BDP1: variants seen among roughly 807,000 people sequenced by gnomAD.
The protein encoded by BDP1 is BDP1 general transcription factor IIIB subunit, also known as transcription factor TFIIIB component B'' homolog.
A neutral mutation model predicts 266.6 loss-of-function variants in BDP1; 169 were observed. That is an observed-to-expected ratio of 0.63 (90% CI 0.56 to 0.72). The LOEUF (loss-of-function observed/expected upper bound fraction) is 0.72, where lower values mean the gene tolerates loss of function less well. BDP1 is among the 30% of genes least tolerant of loss of function. The pLI is 0.00. For missense variants in BDP1, 3,015 were observed against 3,053.8 expected (o/e 0.99, Z 0.30); for synonymous variants, 1,090 against 1,022.4 (o/e 1.07, Z -1.26).
chr5:71,506,542 TGA>T (rs1415946214), intron 16 of BDP1, among the ~76,000 whole-genome samples: 3 of 152,044 alleles, frequency 2.0e-5, no homozygotes, highest in African/African-American at 7.2e-5. Flanking sequence ...TTTGGGAGGC[TGA>T]GACAGGAGGA....
At position 71,507,883 on chromosome 5, in the gene BDP1, T is replaced by G. The variant is rs562197969; in HGVS notation, c.2373-1582T>G. On this transcript the variant is annotated intron_variant, in intron 16 of 38. Coordinates refer to ENST00000358731, the MANE Select transcript of BDP1 (RefSeq NM_018429.3). ...CTGTCTTACAGTATCAAAAATTGCA[T>G]TATTGAAAACAGTTATTTCAGTGAG... 7.2e-5 allele frequency among the ~76,000 whole-genome samples: 11 copies of G among 152,350 alleles called. No individual in the cohort carries two copies. The South Asian group carries it at 2.3e-3, about 32-fold the overall frequency.
chr5:71,493,167 C>T (rs1763689924), intron 11 of BDP1, among the ~76,000 whole-genome samples: 1 of 152,202 alleles, frequency 6.6e-6, no homozygotes, highest in Admixed American at 6.5e-5. Flanking sequence ...GTTGTTTGTT[C>T]CTAGGTGACA....
chr5:71,519,156 C>G (rs1450020638), intron 22 of BDP1, among the ~76,000 whole-genome samples: 1 of 152,028 alleles, frequency 6.6e-6, no homozygotes, highest in African/African-American at 2.4e-5. Flanking sequence ...AGCCCCTCCC[C>G]CTGCTTTTTG....
chr5:71,468,185 ATT>A (rs1762016494), intron 6 of BDP1, among the ~76,000 whole-genome samples: 1 of 151,746 alleles, frequency 6.6e-6, no homozygotes, highest in African/African-American at 2.4e-5. Flanking sequence ...CCCCCAGCTA[ATT>A]TTTGTATTTT....
rs538274951 is a variant in BDP1, at chr5:71,486,691, T to C, written c.1213+64T>C. Reference sequence around the variant, plus strand: ...AGTAATAAACTTGCAATATTGTCCCTCAGGCCTTTGAGAGTTCATGTGTAG... The same window carrying C: ...AGTAATAAACTTGCAATATTGTCCCCCAGGCCTTTGAGAGTTCATGTGTAG... On this transcript the variant is annotated intron_variant, in intron 9 of 38. Coordinates refer to ENST00000358731, the MANE Select transcript of BDP1 (RefSeq NM_018429.3). 116 of 1,346,176 alleles carry C rather than the reference T, an allele frequency of 8.6e-5. No individual in the cohort carries two copies. The African/African-American group carries it at 1.5e-3, about 17-fold the overall frequency. 83.4% of individuals were successfully genotyped at this position (1,346,176 alleles called of 1,614,324 possible).
chr5:71,557,012 AC>A, intron 36 of BDP1, 87 bp downstream of exon 36: 1 of 650,542 alleles, frequency 1.5e-6, no homozygotes, highest in Non-Finnish European at 2.5e-6. Flanking sequence ...TGAGATTGAA[AC>A]TGAGTATTCC....
At chr5:71,503,782 C>T (rs1420967789) in intron 15 of BDP1, among the ~76,000 whole-genome samples, 1 of 151,964 alleles carries the variant, frequency 6.6e-6, no homozygotes, top group African/African-American at 2.4e-5. Context: ...GTCTGGGCAA[C>T]ATAGTGACAC....
Position 71,545,169 on chromosome 5 carries a change from C to T in BDP1, c.6694C>T (p.Gln2232Ter). Residue 2232 changes from glutamine (Q) to a stop codon, truncating the protein, a stop_gained, in exon 32 of 39, where the codon CAG becomes TAG. Coordinates refer to ENST00000358731, the MANE Select transcript of BDP1 (RefSeq NM_018429.3). LOFTEE classifies it high-confidence loss of function. ...GLGENSVEEP[Q>*]IKDSKGDSVL... Reference sequence around the variant, plus strand: ...TGGTGAAAATTCTGTTGAAGAGCCCCAGATAAAGGACTCTAAAGGAGACAG... The same window carrying T: ...TGGTGAAAATTCTGTTGAAGAGCCCTAGATAAAGGACTCTAAAGGAGACAG... 6.2e-7 allele frequency: 1 copy of T among 1,613,746 alleles called. No homozygotes were observed.
chr5:71,576,664 A>G, the BDP1 span, among the ~76,000 whole-genome samples: 23 of 152,228 alleles, frequency 1.5e-4, no homozygotes, highest in African/African-American at 5.1e-4. Context: ...CTAAAGGCCA[A>G]TTAGATGGAA....
intron 37 of BDP1, 50 bp from the exon 38 acceptor site, chr5:71,562,219 AAAAAG>A: frequency 5.3e-6 from 7 of 1,331,570 alleles, no homozygotes; most frequent in Admixed American, 2.6e-5. Context: ...AAAAAAAAAA[AAAAAG>A]AATGTGTCTT....
chr5:71,487,145 T>C (rs968938599), intron 9 of BDP1, among the ~76,000 whole-genome samples: 2 of 152,188 alleles, frequency 1.3e-5, no homozygotes, highest in African/African-American at 4.8e-5. Context: ...ATAAGGACAA[T>C]GTTTAGCTAT....
chr5:71,499,912 T>G (rs1007697908), intron 13 of BDP1, among the ~76,000 whole-genome samples: 14 of 152,204 alleles, frequency 9.2e-5, no homozygotes, highest in African/African-American at 3.4e-4. Context: ...ATTTTTGTGA[T>G]TCTTGTTATG....
At chr5:71,542,055 G>A (rs375384717) in intron 29 of BDP1, 50 bp from the exon 30 acceptor site, 2 of 1,475,504 alleles carry the variant, frequency 1.4e-6, no homozygotes, top group Non-Finnish European at 1.9e-6. Flanking sequence ...ATTAATGTGA[G>A]AGAGCAAGAT....
chr5:71,460,780 C>A (rs1761504510), intron 2 of BDP1, among the ~76,000 whole-genome samples: 1 of 151,868 alleles, frequency 6.6e-6, no homozygotes, highest in South Asian at 2.1e-4. Context: ...ACAGAAACTG[C>A]TTATTTGCTT....
At position 71,455,809 on chromosome 5, in the gene BDP1, C is replaced by G; in HGVS notation, c.-69C>G. 1.4e-6 allele frequency: 2 copies of G among 1,396,296 alleles called. No individual in the cohort carries two copies. Among genetic ancestry groups the G allele is most frequent in the Non-Finnish European group, 1.9e-6 (2 of 1,029,864 alleles). The allele number at this position is 1,396,296 out of a possible 1,614,324, so 86.5% of individuals were successfully genotyped here. On this transcript the variant is annotated 5_prime_UTR_variant, in exon 1 of 39. Transcript: ENST00000358731. The stretch of plus-strand genomic sequence containing the variant: ...AGGGCGTAGTTCCTAATCCCCTTTC[C>G]GGGCAGCCGCCGGGGCTCGGGGCTG...
chr5:71,484,045 T>C (rs1441792225), intron 8 of BDP1, 149 bp downstream of exon 8: 10 of 643,862 alleles, frequency 1.6e-5, no homozygotes, highest in Non-Finnish European at 2.7e-5. Flanking sequence ...TGTTTAGCAG[T>C]ATGGGTCTGG....
intron 6 of BDP1, among the ~76,000 whole-genome samples, chr5:71,470,100 C>T (rs2150363999): frequency 6.6e-6 from 1 of 152,162 alleles, no homozygotes; most frequent in African/African-American, 2.4e-5. Flanking sequence ...CTCAGCCTCC[C>T]AAAGTGCTGG....
At chr5:71,528,076 C>T (rs1391750903) in intron 25 of BDP1, among the ~76,000 whole-genome samples, 1 of 152,142 alleles carries the variant, frequency 6.6e-6, no homozygotes, top group Non-Finnish European at 1.5e-5. Context: ...CTGCCTGGGC[C>T]TCCCAAAGTG....
rs28497798 is a variant in BDP1 at position 71,551,564 on chromosome 5, C to A, written c.6996-1552C>A. Among the ~76,000 whole-genome samples the A allele has an allele frequency of 9.9e-3, 1,504 of 152,330 alleles. 28 individuals are homozygous for A. The highest frequency in any genetic ancestry group is 0.034 in the African/African-American group (1,415 of 41,568). ...ATTTCTCAATCTTTTCCTCACCTTT[C>A]CCCCTTTCTATTCCACAAAACCGCC... On this transcript the variant is annotated intron_variant, in intron 34 of 38. Coordinates refer to ENST00000358731, the MANE Select transcript of BDP1 (RefSeq NM_018429.3).
Sources: allele counts gnomAD v4.1 joint callset (sites outside exome capture counted in the v4.1 genomes callset), GRCh38; gene constraint gnomAD v4.1.1; transcripts MANE v1.5; gene names NCBI Gene and HGNC (gene_info 2026-07-23, HGNC 2026-07-21).